The following SNRPN variants were observed in gnomAD, a reference collection of about 807,000 sequenced individuals.
SNRPN encodes small nuclear ribonucleoprotein-associated protein N.
In SNRPN, 7 loss-of-function variants were observed where a neutral mutation model predicts 25.2. The ratio of observed to expected loss-of-function variants is 0.28; its 90% CI spans 0.16 to 0.52. The LOEUF (loss-of-function observed/expected upper bound fraction) is 0.52. Ranked by LOEUF, SNRPN falls within the 20% of genes least tolerant of loss-of-function variation. The probability of loss-of-function intolerance (pLI) is 0.96; values close to 1 mark genes in which losing one functional copy is unlikely to be tolerated. For missense variants in SNRPN, 196 were observed against 322.5 expected (o/e 0.61, Z 3.00); for synonymous variants, 124 against 110.6 (o/e 1.12, Z -0.76).
chr15:24,913,165 CCT>C (rs1468067899), intron 2 of SNRPN, among the ~76,000 whole-genome samples: 2 of 152,058 alleles, frequency 1.3e-5, no homozygotes, highest in Non-Finnish European at 2.9e-5. Context: ...ATCTCGAACC[CCT>C]GACCTTAGGT....
In SNRPN at chr15:24,880,768, G is replaced by A. The variant is rs143776818; in HGVS notation, c.-578-5748G>A. On this transcript the variant is annotated intron_variant, in intron 1 of 11. Transcript: ENST00000400097. ...CACTTACGCCTTTTTTTTTGAGACA[G>A]AGTCTTGCTCTGTTGTCCAGGCTGG... 4.5e-3 allele frequency among the ~76,000 whole-genome samples: 681 copies of A among 151,580 alleles called. 5 individuals are homozygous for A. The highest frequency in any genetic ancestry group is 0.021 in the Middle Eastern group (6 of 292).
chr15:24,835,729 A>G (rs1028252770), intron 2 of SNRPN, among the ~76,000 whole-genome samples: 1 of 152,186 alleles, frequency 6.6e-6, no homozygotes, highest in Non-Finnish European at 1.5e-5. Flanking sequence ...TAAACGTACC[A>G]TGGGGAAGAA....
At chr15:24,920,305 A>G (rs928434011) in intron 3 of SNRPN, among the ~76,000 whole-genome samples, 7 of 152,010 alleles carry the variant, frequency 4.6e-5, no homozygotes, top group African/African-American at 1.7e-4. Context: ...GCATAATTTA[A>G]TTATTTCCCC....
rs112130191 is a variant in SNRPN at position 24,913,220 on chromosome 15, G to C, written c.-504-6791G>C. Among the ~76,000 whole-genome samples the C allele has an allele frequency of 5.1e-3, 772 of 152,250 alleles. 3 individuals are homozygous for C. The highest frequency in any genetic ancestry group is 9.1e-3 in the Non-Finnish European group (618 of 68,020). On this transcript the variant is annotated intron_variant, in intron 2 of 11. Coordinates refer to the SNRPN transcript ENST00000400097. ...CTCCCAAAGTGCTGGGATTACAGAC[G>C]TGAGCCACTGTGCGTGGCCAATATC...
chr15:24,905,778 A>T (rs1037593965), intron 2 of SNRPN, among the ~76,000 whole-genome samples: 7 of 152,204 alleles, frequency 4.6e-5, no homozygotes, highest in African/African-American at 1.7e-4. Flanking sequence ...GATTGTTTAG[A>T]CTTGAGCTTA....
intron 1 of SNRPN, among the ~76,000 whole-genome samples, chr15:24,857,935 C>A (rs1007843401): frequency 3.3e-5 from 5 of 151,992 alleles, no homozygotes; most frequent in Non-Finnish European, 5.9e-5. Context: ...GAGATGAAAT[C>A]ATAGGGAGTG....
In SNRPN at chr15:24,939,275, A is replaced by G. The variant is rs1315927055; in HGVS notation, c.-391+19151A>G. Among the ~76,000 whole-genome samples the G allele has an allele frequency of 2.0e-5, 3 of 152,210 alleles. No individual in the cohort carries two copies. In the East Asian group the frequency reaches 5.8e-4, roughly 29 times the overall value. On this transcript the variant is annotated intron_variant, in intron 3 of 11. Transcript: ENST00000400097. ...CTTCTGTGTTTTATAGTAGCCATCC[A>G]AATGGGTGTGAAGTGGTATCTCACT... is the stretch of plus-strand genomic sequence containing the variant.
chr15:24,902,823 C>T (rs2151585305), intron 2 of SNRPN, among the ~76,000 whole-genome samples: 1 of 152,242 alleles, frequency 6.6e-6, no homozygotes, highest in African/African-American at 2.4e-5. Context: ...TAGTGTGGAC[C>T]CAAAGAGTGA....
chr15:24,976,176 G>T, intron 5 of SNRPN, 129 bp from the exon 6 acceptor site: 12 of 733,360 alleles, frequency 1.6e-5, no homozygotes, highest in Admixed American at 1.5e-4. Context: ...TTTTTGGCTT[G>T]TTTTTCAGTG....
intron 2 of SNRPN, among the ~76,000 whole-genome samples, chr15:24,893,079 C>T (rs951904215): frequency 1.3e-5 from 2 of 151,942 alleles, no homozygotes; most frequent in Non-Finnish European, 2.9e-5. Flanking sequence ...CATGGAGGTG[C>T]ACGTCTGTAA....
At chr15:24,944,092 G>T (rs2061735398) in intron 3 of SNRPN, among the ~76,000 whole-genome samples, 1 of 152,212 alleles carries the variant, frequency 6.6e-6, no homozygotes, top group African/African-American at 2.4e-5. Context: ...AGAGTGCTGG[G>T]ATTACAGGCA....
At chr15:24,943,653 G>A (rs181543621) in intron 3 of SNRPN, among the ~76,000 whole-genome samples, 1 of 152,148 alleles carries the variant, frequency 6.6e-6, no homozygotes, top group East Asian at 1.9e-4. Flanking sequence ...CCAGTAGCAG[G>A]CCAACAGCTG....
chr15:24,953,280 C>G (rs1221937927), upstream of SNRPN, among the ~76,000 whole-genome samples: 1 of 152,108 alleles, frequency 6.6e-6, no homozygotes, highest in Non-Finnish European at 1.5e-5. Flanking sequence ...GGTGTGTATT[C>G]TTTCATAATT....
At chr15:24,857,375 A>T (rs911561059) in intron 1 of SNRPN, among the ~76,000 whole-genome samples, 1 of 151,680 alleles carries the variant, frequency 6.6e-6, no homozygotes, top group South Asian at 2.1e-4. Flanking sequence ...ATAGATATAT[A>T]TTTTTTTCTT....
At position 24,929,260 on chromosome 15, in the gene SNRPN, A is replaced by G. The variant is rs7162979; in HGVS notation, c.-391+9136A>G. Among the ~76,000 whole-genome samples the G allele has an allele frequency of 0.026, 3,977 of 151,712 alleles. 173 individuals are homozygous for G. The highest frequency in any genetic ancestry group is 0.089 in the African/African-American group (3,671 of 41,326). ...CCGCAGGGTTTTTCCTTGCCTTCCT[A>G]TTTGTAGAGCTTCCTTCCACATTAA... On this transcript the variant is annotated intron_variant, in intron 3 of 11. Coordinates refer to the SNRPN transcript ENST00000400097. This position sits in a 1 kb window ranked among gnomAD's most constrained non-coding sequence, Gnocchi z 5.3.
chr15:24,871,973 A>G lies in SNRPN; in HGVS notation c.-578-14543A>G, dbSNP rs186763475. ...GCCCACCTCAGCCTCCCAAAGTGCTAGGATTACAGGCGTAAGCCACCACGC... is the reference window on the plus strand; with the variant it reads ...GCCCACCTCAGCCTCCCAAAGTGCTGGGATTACAGGCGTAAGCCACCACGC... On this transcript the variant is annotated intron_variant, in intron 1 of 11. Transcript: ENST00000400097. Among the ~76,000 whole-genome samples, 529 of 120,170 alleles carry G rather than the reference A, an allele frequency of 4.4e-3. 152 individuals are homozygous for G. Among genetic ancestry groups the G allele is most frequent in the Middle Eastern group, 0.029 (6 of 204 alleles). The allele number at this position is 120,170 out of a possible 152,430, so 78.8% of individuals were successfully genotyped here. A position where few individuals can be genotyped will look rare whatever the true frequency, so the allele number is the denominator to read the frequency against.
At chr15:24,924,605 C>G (rs1323532316) in intron 3 of SNRPN, among the ~76,000 whole-genome samples, 1 of 151,960 alleles carries the variant, frequency 6.6e-6, no homozygotes, top group African/African-American at 2.4e-5. Flanking sequence ...GCCTCAGTCT[C>G]TCAAGTAGCT....
chr15:24,921,920 C>A (rs778507991), intron 3 of SNRPN, among the ~76,000 whole-genome samples: 1 of 151,814 alleles, frequency 6.6e-6, no homozygotes, highest in Non-Finnish European at 1.5e-5. Context: ...CCATACAGAC[C>A]GGGCACGGTG....
chr15:24,887,670 A>G (rs903436521), intron 2 of SNRPN, among the ~76,000 whole-genome samples: 2 of 152,132 alleles, frequency 1.3e-5, no homozygotes, highest in Non-Finnish European at 2.9e-5. Flanking sequence ...ATTAAACTAT[A>G]GGTGGAATAG....
Sources: allele counts gnomAD v4.1 joint callset (sites outside exome capture counted in the v4.1 genomes callset), GRCh38; gene constraint gnomAD v4.1.1; non-coding constraint Gnocchi (gnomAD v3.1); transcripts MANE v1.5; gene names NCBI Gene and HGNC (gene_info 2026-07-23, HGNC 2026-07-21).